The following TBC1D22A variants were observed in gnomAD, a reference collection of about 807,000 sequenced individuals.
TBC1D22A encodes TBC1 domain family member 22A, also known as putative GTPase activator.
A neutral mutation model predicts 60.2 loss-of-function variants in TBC1D22A; 38 were observed. That is an observed-to-expected ratio of 0.63 (90% CI 0.49 to 0.83). The LOEUF is 0.83. TBC1D22A is among the 40% of genes least tolerant of loss of function. The pLI, the probability that TBC1D22A is intolerant of heterozygous loss-of-function variation, is 0.00. For missense variants in TBC1D22A, 628 were observed against 701.0 expected (o/e 0.90, Z 1.18); for synonymous variants, 302 against 281.7 (o/e 1.07, Z -0.72).
At chr22:46,972,877 G>A (rs931052867) in intron 8 of TBC1D22A, among the ~76,000 whole-genome samples, 14 of 152,266 alleles carry the variant, frequency 9.2e-5, no homozygotes, top group African/African-American at 3.4e-4. Flanking sequence ...AGTGATGTGC[G>A]AACTGGCTGG....
intron 8 of TBC1D22A, among the ~76,000 whole-genome samples, chr22:46,947,227 C>A (rs573839266): frequency 6.6e-6 from 1 of 152,322 alleles, no homozygotes; most frequent in African/African-American, 2.4e-5. Flanking sequence ...AAATCACCCA[C>A]TTTCTGTGGG....
At chr22:47,010,441 A>C (rs1318089007) in intron 10 of TBC1D22A, among the ~76,000 whole-genome samples, 2 of 152,216 alleles carry the variant, frequency 1.3e-5, no homozygotes, top group African/African-American at 4.8e-5. Context: ...TTGGCAAGGC[A>C]CATGCGTAAT....
chr22:46,902,990 C>T (rs989639914), intron 7 of TBC1D22A, among the ~76,000 whole-genome samples: 2 of 152,218 alleles, frequency 1.3e-5, no homozygotes. Flanking sequence ...GGAGGGGCAG[C>T]GTATGGGGCA....
intron 8 of TBC1D22A, among the ~76,000 whole-genome samples, chr22:46,924,895 G>A (rs2070963313): frequency 1.3e-5 from 2 of 152,226 alleles, no homozygotes; most frequent in South Asian, 2.1e-4. Context: ...TGATGAGTGT[G>A]TGGTGGGGAT....
chr22:47,078,556 C>T (rs890078466), intron 11 of TBC1D22A, among the ~76,000 whole-genome samples: 4 of 152,246 alleles, frequency 2.6e-5, no homozygotes, highest in Non-Finnish European at 5.9e-5. Context: ...ATGTAACGCG[C>T]TTAGCACAGT....
At chr22:46,845,212 T>C (rs1041073002) in intron 4 of TBC1D22A, among the ~76,000 whole-genome samples, 7 of 152,234 alleles carry the variant, frequency 4.6e-5, no homozygotes, top group African/African-American at 1.4e-4. Flanking sequence ...ATACCCAACT[T>C]TCTCTCCTCT....
At chr22:46,781,274 C>T (rs1272344990) in intron 1 of TBC1D22A, among the ~76,000 whole-genome samples, 1 of 151,894 alleles carries the variant, frequency 6.6e-6, no homozygotes, top group Non-Finnish European at 1.5e-5. Context: ...TTCCTGGGCT[C>T]AGGTGATCTT....
chr22:46,990,811 C>T lies in TBC1D22A; in HGVS notation c.1126-6823C>T, dbSNP rs182625781. On this transcript the variant is annotated intron_variant, in intron 9 of 12. Transcript: ENST00000337137. The surrounding 1 kb of genome is among the most constrained non-coding windows in gnomAD (Gnocchi z 4.6). Reference sequence around the variant, plus strand: ...TGGCTTGCTGGCTGTCTCCCTCCCGCGCCGGCGTTCGTGACGGCTCTGCTC... The same window carrying T: ...TGGCTTGCTGGCTGTCTCCCTCCCGTGCCGGCGTTCGTGACGGCTCTGCTC... Among the ~76,000 whole-genome samples the T allele has an allele frequency of 3.3e-5, 5 of 152,358 alleles. No individual in the cohort carries two copies. The highest frequency in any genetic ancestry group is 2.0e-4 in the Admixed American group (3 of 15,306).
intron 1 of TBC1D22A, among the ~76,000 whole-genome samples, chr22:46,768,456 G>A (rs939342750): frequency 2.2e-5 from 3 of 136,200 alleles, no homozygotes; most frequent in Admixed American, 1.7e-4. Flanking sequence ...CCGCCCCGCA[G>A]CCTGGGCAAC....
intron 4 of TBC1D22A, among the ~76,000 whole-genome samples, chr22:46,860,693 C>T (rs1391547167): frequency 1.3e-5 from 2 of 152,264 alleles, no homozygotes; most frequent in Non-Finnish European, 2.9e-5. Context: ...GTGCCCCTTC[C>T]TGGCTCTGGC....
intron 11 of TBC1D22A, among the ~76,000 whole-genome samples, chr22:47,067,804 C>T (rs2063827528): frequency 6.6e-6 from 1 of 152,214 alleles, no homozygotes; most frequent in Non-Finnish European, 1.5e-5. Flanking sequence ...ACTCACAGAA[C>T]TGTGCTTTGC....
At position 46,987,726 on chromosome 22, in the gene TBC1D22A, C is replaced by T. The variant is rs557734115; in HGVS notation, c.1126-9908C>T. Among the ~76,000 whole-genome samples, 8 of 152,294 alleles carry T rather than the reference C, an allele frequency of 5.3e-5. No individual in the cohort carries two copies. The South Asian group carries it at 1.5e-3, about 28-fold the overall frequency. ...TTTTTCCCAGCGGAGGGTGTTTTCTCGTCTTGACAGCTGCAGACTGATCAG... is the reference window on the plus strand; with the variant it reads ...TTTTTCCCAGCGGAGGGTGTTTTCTTGTCTTGACAGCTGCAGACTGATCAG... On this transcript the variant is annotated intron_variant, in intron 9 of 12. Coordinates refer to ENST00000337137, the MANE Select transcript of TBC1D22A (RefSeq NM_014346.5).
At chr22:47,050,988 C>T (rs2063194796) in intron 11 of TBC1D22A, among the ~76,000 whole-genome samples, 1 of 152,170 alleles carries the variant, frequency 6.6e-6, no homozygotes, top group Non-Finnish European at 1.5e-5. Context: ...TTTGCAGCCG[C>T]CTGGGAATAG....
chr22:46,818,521 C>A (rs1465262640), intron 4 of TBC1D22A, among the ~76,000 whole-genome samples: 2 of 152,152 alleles, frequency 1.3e-5, no homozygotes, highest in Admixed American at 1.3e-4. Context: ...TTCCTCATTG[C>A]TTGTTTTTGT....
intron 8 of TBC1D22A, among the ~76,000 whole-genome samples, chr22:46,955,690 A>G (rs932496675): frequency 1.3e-5 from 2 of 152,260 alleles, no homozygotes; most frequent in Admixed American, 1.3e-4. Context: ...TGAACCAATA[A>G]TGCAGTTCTA....
intron 10 of TBC1D22A, among the ~76,000 whole-genome samples, chr22:47,008,813 T>A (rs972585799): frequency 6.6e-6 from 1 of 152,138 alleles, no homozygotes; most frequent in Non-Finnish European, 1.5e-5. Context: ...CTGGTGCCTG[T>A]AAACTGGTAG....
chr22:46,856,643 G>T (rs1282018736), intron 4 of TBC1D22A, among the ~76,000 whole-genome samples: 2 of 152,124 alleles, frequency 1.3e-5, no homozygotes, highest in Non-Finnish European at 2.9e-5. Flanking sequence ...AGTGGGGGTG[G>T]GGGCTGGTAC....
At chr22:46,875,836 G>T (rs1017641612) in intron 4 of TBC1D22A, among the ~76,000 whole-genome samples, 4 of 152,168 alleles carry the variant, frequency 2.6e-5, no homozygotes, top group Non-Finnish European at 5.9e-5. Flanking sequence ...TAAAGGGGAG[G>T]AGGAAAGGAT....
At chr22:46,868,889 G>A (rs1464294683) in intron 4 of TBC1D22A, among the ~76,000 whole-genome samples, 1 of 152,102 alleles carries the variant, frequency 6.6e-6, no homozygotes, top group Non-Finnish European at 1.5e-5. Context: ...TTATCCTAGA[G>A]TTGTTCATTT....
Sources: allele counts gnomAD v4.1 joint callset (sites outside exome capture counted in the v4.1 genomes callset), GRCh38; gene constraint gnomAD v4.1.1; non-coding constraint Gnocchi (gnomAD v3.1); transcripts MANE v1.5; gene names NCBI Gene and HGNC (gene_info 2026-07-23, HGNC 2026-07-21).